GAK: variants seen among roughly 807,000 people sequenced by gnomAD.
The protein encoded by GAK is cyclin G associated kinase, also known as cyclin-G-associated kinase.
A neutral mutation model predicts 143.9 loss-of-function variants in GAK; 79 were observed. That is an observed-to-expected ratio of 0.55 (90% confidence interval 0.46 to 0.66). GAK has a LOEUF of 0.66. Ranked by LOEUF, GAK falls within the 30% of genes least tolerant of loss-of-function variation. GAK has a pLI of 0.00. For synonymous variants in GAK, 881 were observed against 765.5 expected (o/e 1.15, Z -2.49); for missense variants, 1,693 against 1,779.7 (o/e 0.95, Z 0.88).
In GAK at chr4:918,135, A is replaced by C. The variant is rs139189242; in HGVS notation, c.146-4467T>G. 2.4e-4 allele frequency among the ~76,000 whole-genome samples: 36 copies of C among 152,372 alleles called. No homozygotes were observed. In the East Asian group the frequency reaches 3.5e-3, roughly 15 times the overall value. On this transcript the variant is annotated intron_variant, in intron 1 of 27. Transcript: ENST00000314167. ...CAGCAAAACATAATAAGGATACTAC[A>C]TCATGACCAGGTGGTATTCATCCCA...
At chr4:883,815 A>G (rs1194824235) in intron 12 of GAK, among the ~76,000 whole-genome samples, 1 of 152,176 alleles carries the variant, frequency 6.6e-6, no homozygotes, top group Non-Finnish European at 1.5e-5. Context: ...GACCTCAGGG[A>G]GCCATGGGAG....
chr4:911,623 C>T lies in GAK; in HGVS notation c.382+50G>A, dbSNP rs528176865. On this transcript the variant is annotated intron_variant, in intron 4 of 27. Transcript: ENST00000314167. The stretch of plus-strand genomic sequence containing the variant: ...GCAGCTGGGTTAGGAGGCATCAAGC[C>T]GGCCTCTGCTGGGTTAGATGGCACC... 4.5e-5 allele frequency: 58 copies of T among 1,295,778 alleles called. No homozygotes were observed. In the South Asian group the frequency reaches 4.7e-4, roughly 11 times the overall value. 80.3% of individuals were successfully genotyped at this position (1,295,778 alleles called of 1,614,324 possible).
At chr4:926,522 G>A (rs1724773383) in intron 1 of GAK, among the ~76,000 whole-genome samples, 1 of 152,190 alleles carries the variant, frequency 6.6e-6, no homozygotes, top group South Asian at 2.1e-4. Flanking sequence ...AGTAATTATA[G>A]TACCCACTTT....
chr4:869,919 T>G (rs1321074867), intron 19 of GAK: 2 of 147,590 alleles, frequency 1.4e-5, no homozygotes, highest in East Asian at 4.1e-4. Context: ...CACACTCGGA[T>G]GCACAGTACA....
At chr4:913,437 C>T (rs1722388559) in intron 2 of GAK, among the ~76,000 whole-genome samples, 170 bp downstream of exon 2, 1 of 152,176 alleles carries the variant, frequency 6.6e-6, no homozygotes, top group African/African-American at 2.4e-5. Context: ...GACCAAGGCT[C>T]CTGCAGTGCC....
intron 14 of GAK, 150 bp from the exon 15 acceptor site, chr4:882,190 G>T: frequency 1.1e-6 from 1 of 897,750 alleles, no homozygotes; most frequent in Non-Finnish European, 1.7e-6. Flanking sequence ...GCTACATAAC[G>T]TGCCTGCCGA....
intron 5 of GAK, among the ~76,000 whole-genome samples, chr4:902,430 C>G (rs1218594297): frequency 1.3e-5 from 2 of 151,370 alleles, no homozygotes; most frequent in Admixed American, 6.6e-5. Flanking sequence ...CATGGTGAAA[C>G]CCCATTTCTA....
intron 19 of GAK, 173 bp from the exon 20 acceptor site, chr4:868,858 T>C: frequency 1.5e-6 from 1 of 653,338 alleles, no homozygotes; most frequent in East Asian, 2.8e-5. Flanking sequence ...AGATTCCTGC[T>C]ATCCACTCGG....
chr4:852,071 C>T (rs557028978), intron 24 of GAK, 97 bp from the exon 25 acceptor site: 56 of 1,070,062 alleles, frequency 5.2e-5, no homozygotes, highest in Non-Finnish European at 7.3e-5. Flanking sequence ...GGAAAACATG[C>T]GCTTGCAAAA....
At chr4:855,239 T>C (rs1319848027) in intron 24 of GAK, among the ~76,000 whole-genome samples, 1 of 151,848 alleles carries the variant, frequency 6.6e-6, no homozygotes, top group Non-Finnish European at 1.5e-5. Flanking sequence ...TTCACTCGCA[T>C]CTCCTCTGGT....
chr4:874,791 TCTCTC>T (rs1198001583), intron 18 of GAK, among the ~76,000 whole-genome samples: 2 of 152,152 alleles, frequency 1.3e-5, no homozygotes, highest in Admixed American at 6.5e-5. Context: ...TGTTCCACTC[TCTCTC>T]TTCTCCTAGA....
rs201968587 is a variant in GAK, at chr4:867,070, C to G, written c.2758G>C (p.Ala920Pro). ...TCCTCCGGGGGCCCCTGGGAGGCGG[C>G]CTCAGGGGGCCCAAGGAGGCAGCTG... ...LLSCLLGPPE[A>P]ASQGPPEDLL... The change falls in exon 21 of 28, where the codon GCC becomes CCC. Residue 920 changes from alanine to proline, a missense_variant. By Grantham distance (27) the Ala-to-Pro change is conservative (BLOSUM62 -1). Around this residue, in one of 2 missense-constraint regions of GAK, gnomAD observed 822 missense variants for 788.7 expected, o/e 1.04. Coordinates refer to ENST00000314167, the MANE Select transcript of GAK (RefSeq NM_005255.4). The G allele has an allele frequency of 6.5e-7, 1 of 1,536,316 alleles. No individual in the cohort carries two copies. The highest frequency in any genetic ancestry group is 8.8e-7 in the Non-Finnish European group (1 of 1,141,640).
chr4:858,778 C>T (rs140647936), intron 24 of GAK, among the ~76,000 whole-genome samples: 26 of 152,296 alleles, frequency 1.7e-4, no homozygotes, highest in South Asian at 1.5e-3. Context: ...GATCCAACGC[C>T]GACACCTGCT....
At position 890,563 on chromosome 4, in the gene GAK, G is replaced by A. The variant is rs138971969; in HGVS notation, c.1050C>T (p.Pro350=). The change falls in exon 10 of 28, where the codon CCC becomes CCT. Residue 350 remains proline (P), a synonymous_variant. Transcript: ENST00000314167. ...SATLSRGPPP[P]VGPAGSGYSG... ...TGTAGCCACTGCCAGCGGGGCCCAC[G>A]GGAGGGGGTGGCCCTCGGGACAGTG... 6 of 1,610,992 alleles carry A rather than the reference G, an allele frequency of 3.7e-6. No individual in the cohort carries two copies. Among genetic ancestry groups the A allele is most frequent in the East Asian group, 2.2e-5 (1 of 44,744 alleles).
chr4:899,597 G>C (rs1719475197), intron 5 of GAK, among the ~76,000 whole-genome samples: 1 of 85,496 alleles, frequency 1.2e-5, no homozygotes, highest in African/African-American at 3.7e-5. Flanking sequence ...CTCATCGACA[G>C]GAGAAAAAAT....
At chr4:928,447 C>G (rs1009377144) in intron 1 of GAK, among the ~76,000 whole-genome samples, 1 of 152,294 alleles carries the variant, frequency 6.6e-6, no homozygotes, top group South Asian at 2.1e-4. Flanking sequence ...AGGGGGATCA[C>G]GTAGGCCCAG....
intron 4 of GAK, 111 bp downstream of exon 4, chr4:911,562 G>T: frequency 1.3e-6 from 1 of 743,278 alleles, no homozygotes. Flanking sequence ...GACCAACACA[G>T]CTTGAGAGAA....
chr4:908,055 C>T (rs1560415545), intron 4 of GAK, among the ~76,000 whole-genome samples: 1 of 152,352 alleles, frequency 6.6e-6, no homozygotes, highest in East Asian at 1.9e-4. Context: ...TCAGTTTTCA[C>T]ACCCGTCCTG....
At chr4:896,056 G>A (rs1245493319) in intron 7 of GAK, among the ~76,000 whole-genome samples, 1 of 152,206 alleles carries the variant, frequency 6.6e-6, no homozygotes, top group Non-Finnish European at 1.5e-5. Flanking sequence ...GAGCTCAGGA[G>A]TTCGAGACCG....
Sources: gnomAD v4.1 joint callset for allele counts (sites outside exome capture counted in the v4.1 genomes callset) on GRCh38, gnomAD v4.1.1 for gene constraint, gnomAD v4.1.1 regional missense constraint, MANE v1.5 for transcripts, NCBI Gene and HGNC (gene_info 2026-07-23, HGNC 2026-07-21) for gene names.